SLIT1: variants seen among roughly 807,000 people sequenced by gnomAD.
The protein encoded by SLIT1 is slit homolog 1 protein.
SLIT1 carries 66 observed loss-of-function variants against 186.1 expected under a neutral mutation model. The observed-to-expected ratio is 0.35, with a 90% CI of 0.29 to 0.44. The LOEUF (loss-of-function observed/expected upper bound fraction) is 0.44, where lower values mean the gene tolerates loss of function less well. Ranked by LOEUF, SLIT1 falls within the 20% of genes least tolerant of loss-of-function variation. The pLI is 1.00. For missense variants in SLIT1, 1,638 were observed against 2,037.4 expected (o/e 0.80, Z 3.77); for synonymous variants, 761 against 833.8 (o/e 0.91, Z 1.50).
intron 22 of SLIT1, among the ~76,000 whole-genome samples, chr10:97,035,331 A>T (rs953623364): frequency 7.9e-5 from 12 of 151,576 alleles, no homozygotes; most frequent in Admixed American, 6.6e-4. Flanking sequence ...CCCCCTCCCC[A>T]TGGCCCCAGC....
intron 26 of SLIT1, among the ~76,000 whole-genome samples, chr10:97,020,358 G>A (rs1367337493): frequency 6.6e-6 from 1 of 152,140 alleles, no homozygotes; most frequent in Non-Finnish European, 1.5e-5. Flanking sequence ...CATGATCTGT[G>A]TACTTTAATG....
At chr10:97,134,476 AC>A (rs1167056286) in intron 4 of SLIT1, among the ~76,000 whole-genome samples, 1 of 151,992 alleles carries the variant, frequency 6.6e-6, no homozygotes, top group Admixed American at 6.6e-5. Context: ...GTAGGAGCAG[AC>A]CACTTATGCC....
chr10:97,053,893 T>A (rs1295153309), intron 13 of SLIT1, among the ~76,000 whole-genome samples: 1 of 152,188 alleles, frequency 6.6e-6, no homozygotes. Flanking sequence ...CCAAACCTCA[T>A]GTTGAAATGT....
At position 97,124,537 on chromosome 10, in the gene SLIT1, G is replaced by A. The variant is rs1849587452; in HGVS notation, c.413+33281C>T. On this transcript the variant is annotated intron_variant, in intron 4 of 36. Coordinates refer to ENST00000266058, the MANE Select transcript of SLIT1 (RefSeq NM_003061.3). The stretch of plus-strand genomic sequence containing the variant: ...AACCTCTAACCACCTAGGAGCAAAT[G>A]TACACTGGGGTGCGCACCCGGCTTC... 2.6e-5 allele frequency among the ~76,000 whole-genome samples: 4 copies of A among 152,222 alleles called. No homozygotes were observed. The South Asian group carries it at 8.3e-4, about 32-fold the overall frequency.
chr10:97,046,934 C>T, intron 17 of SLIT1, 57 bp downstream of exon 17: 2 of 1,560,532 alleles, frequency 1.3e-6, no homozygotes. Context: ...TGGCATTTCC[C>T]TTGTCCATCC....
At chr10:97,060,049 C>G in intron 10 of SLIT1, 38 bp downstream of exon 10, 4 of 1,551,892 alleles carry the variant, frequency 2.6e-6, no homozygotes, top group Non-Finnish European at 3.6e-6. Context: ...TCCGTCAGCC[C>G]TGTACCAGCT....
chr10:97,109,152 C>G (rs1849442541), intron 4 of SLIT1, among the ~76,000 whole-genome samples: 1 of 151,006 alleles, frequency 6.6e-6, no homozygotes, highest in Non-Finnish European at 1.5e-5. Context: ...AGTTCAAGAC[C>G]AGCCTGGGTA....
intron 4 of SLIT1, among the ~76,000 whole-genome samples, chr10:97,148,864 T>C (rs910396926): frequency 6.6e-6 from 1 of 152,266 alleles, no homozygotes; most frequent in African/African-American, 2.4e-5. Context: ...AGCCCGTTCC[T>C]GCACGCACGC....
chr10:97,146,820 A>C (rs1473609055), intron 4 of SLIT1, among the ~76,000 whole-genome samples: 1 of 152,140 alleles, frequency 6.6e-6, no homozygotes, highest in Non-Finnish European at 1.5e-5. Context: ...AGTGTCTGCC[A>C]CCAGAAAGAA....
At chr10:97,057,713 T>G (rs1330920609) in intron 11 of SLIT1, 1 of 434,868 alleles carries the variant, frequency 2.3e-6, no homozygotes, top group East Asian at 3.6e-5. Flanking sequence ...CCAGACGGCA[T>G]ATGCAGTGTG....
chr10:97,033,928 G>A (rs1387184691), intron 23 of SLIT1, among the ~76,000 whole-genome samples: 2 of 146,412 alleles, frequency 1.4e-5, no homozygotes, highest in African/African-American at 2.6e-5. Context: ...GCAATGGCAC[G>A]ATCTTGGCTC....
At chr10:97,145,650 T>C (rs1213580625) in intron 4 of SLIT1, among the ~76,000 whole-genome samples, 2 of 152,092 alleles carry the variant, frequency 1.3e-5, no homozygotes, top group African/African-American at 4.8e-5. Context: ...CCGAGAAGAC[T>C]GAGGGAAAAA....
At chr10:97,106,387 A>AGAAT (rs5787218) in intron 4 of SLIT1, among the ~76,000 whole-genome samples, 82,595 of 144,880 alleles carry the variant, frequency 0.57, 24,341 homozygotes, top group East Asian at 0.78. Context: ...AGAGACAGAG[A>AGAAT]GAATGAATGA....
intron 34 of SLIT1, 140 bp from the exon 35 acceptor site, chr10:97,003,132 G>A: frequency 1.3e-6 from 1 of 788,904 alleles, no homozygotes; most frequent in Non-Finnish European, 2.0e-6. Context: ...CTGATCCAAG[G>A]TCCTTTGCCA....
rs1848361135 is a variant in SLIT1, at chr10:97,006,562, C to G, written c.3500G>C (p.Ser1167Thr). The part of the protein sequence containing the change: ...FGGPECEKLL[S>T]VNFVDRDTYL... ...AGTGTCCCGATCCACAAAGTTGACA[C>G]TGAGCAACTTCTCACACTCAGGGCC... The change falls in exon 32 of 37, where the codon AGT becomes ACT. Residue 1167 changes from serine to threonine, a missense_variant. Physicochemically the swap from Ser to Thr is moderately conservative, Grantham distance 58 (BLOSUM62 1). This residue lies in a region of SLIT1 where 173 missense variants were observed against 290.9 expected (regional missense o/e 0.59). Transcript: ENST00000266058. The surrounding 1 kb of genome is among the most constrained non-coding windows in gnomAD (Gnocchi z 4.0). 6.2e-7 allele frequency: 1 copy of G among 1,614,122 alleles called. No individual in the cohort carries two copies. Among genetic ancestry groups the G allele is most frequent in the African/African-American group, 1.3e-5 (1 of 74,942 alleles).
At chr10:97,134,836 G>A (rs1333707696) in intron 4 of SLIT1, among the ~76,000 whole-genome samples, 1 of 152,186 alleles carries the variant, frequency 6.6e-6, no homozygotes, top group African/African-American at 2.4e-5. Context: ...GAGGACGCGG[G>A]CTTTGCCATC....
intron 4 of SLIT1, among the ~76,000 whole-genome samples, chr10:97,107,736 C>T (rs1297020364): frequency 1.3e-5 from 2 of 152,164 alleles, no homozygotes; most frequent in Non-Finnish European, 2.9e-5. Context: ...TGCCCCACCC[C>T]CACGTGCTGC....
chr10:97,039,889 C>A, intron 21 of SLIT1, 99 bp downstream of exon 21: 2 of 1,396,572 alleles, frequency 1.4e-6, no homozygotes, highest in South Asian at 1.3e-5. Flanking sequence ...TCTTGGTCAC[C>A]TCCTCCTCCC....
In SLIT1 at chr10:97,161,223, A is replaced by C. The variant is rs147116966; in HGVS notation, c.341+2157T>G. Among the ~76,000 whole-genome samples the C allele has an allele frequency of 1.8e-3, 269 of 152,208 alleles. 6 individuals are homozygous for C. Among genetic ancestry groups the C allele is most frequent in the African/African-American group, 6.3e-3 (262 of 41,510 alleles). On this transcript the variant is annotated intron_variant, in intron 3 of 36. Transcript: ENST00000266058. ...TTTCCCTCCTCCCCTCCTTCCCAGC[A>C]CAAGAGGTGGAGCCAGGTTGGGTCA...
Sources: gnomAD v4.1 joint callset for allele counts (sites outside exome capture counted in the v4.1 genomes callset) on GRCh38, gnomAD v4.1.1 for gene constraint, gnomAD v4.1.1 regional missense constraint, Gnocchi (gnomAD v3.1) non-coding constraint, MANE v1.5 for transcripts, NCBI Gene and HGNC (gene_info 2026-07-23, HGNC 2026-07-21) for gene names.